Variants in CLASP1 observed in about 807,000 individuals in gnomAD.
CLASP1 encodes cytoplasmic linker associated protein 1.
Under a neutral mutation model 192.3 loss-of-function variants are expected in CLASP1, and 38 were observed. The ratio of observed to expected loss-of-function variants is 0.20; its 90% confidence interval spans 0.15 to 0.26. CLASP1 has a LOEUF of 0.26. Among genes scored for constraint, CLASP1 ranks in the 10% least tolerant of loss-of-function variants. The pLI, the probability that CLASP1 is intolerant of heterozygous loss-of-function variation, is 1.00. For synonymous variants in CLASP1, 691 were observed against 712.8 expected, an observed-to-expected ratio of 0.97 and a Z score of 0.49; for missense variants, 1,433 against 1,932.5, an observed-to-expected ratio of 0.74 and a Z score of 4.85.
At chr2:121,550,729 C>T (rs1035881596) in intron 2 of CLASP1, among the ~76,000 whole-genome samples, 22 of 151,860 alleles carry the variant, frequency 1.4e-4, no homozygotes, top group African/African-American at 5.1e-4. Context: ...TAATGAGCTC[C>T]AAAACTGAAT....
intron 8 of CLASP1, among the ~76,000 whole-genome samples, chr2:121,493,743 T>C (rs1044449409): frequency 1.9e-4 from 26 of 136,534 alleles, no homozygotes; most frequent in African/African-American, 8.5e-4. Flanking sequence ...AACAACTCAA[T>C]AGAAAAAAAA....
intron 8 of CLASP1, among the ~76,000 whole-genome samples, chr2:121,497,846 A>G (rs182038947): frequency 2.3e-4 from 35 of 152,040 alleles, no homozygotes; most frequent in African/African-American, 7.2e-4. Flanking sequence ...CAGCCTCCCG[A>G]ATAGCTAGGA....
At chr2:121,628,360 A>G (rs2068774265) in intron 1 of CLASP1, among the ~76,000 whole-genome samples, 1 of 152,132 alleles carries the variant, frequency 6.6e-6, no homozygotes, top group Non-Finnish European at 1.5e-5. Context: ...CTAGTCCTAC[A>G]TTTTCAAAAA....
intron 26 of CLASP1, among the ~76,000 whole-genome samples, chr2:121,403,069 TG>T (rs1457926791): frequency 1.3e-5 from 2 of 152,170 alleles, no homozygotes; most frequent in Non-Finnish European, 1.5e-5. Flanking sequence ...TGACCTCAGG[TG>T]ATCTGCCCAC....
intron 37 of CLASP1, among the ~76,000 whole-genome samples, chr2:121,357,897 A>G (rs557269753): frequency 2.0e-5 from 3 of 152,058 alleles, no homozygotes; most frequent in South Asian, 2.1e-4. Context: ...TTCTCTCCCT[A>G]TGTGCTCCTT....
chr2:121,615,525 G>C (rs1477188411), intron 1 of CLASP1, among the ~76,000 whole-genome samples: 2 of 151,670 alleles, frequency 1.3e-5, no homozygotes, highest in Admixed American at 6.6e-5. Context: ...GGTCGGGTGC[G>C]GTGGCTCAAA....
At chr2:121,363,602 T>C (rs2066822726) in intron 36 of CLASP1, among the ~76,000 whole-genome samples, 1 of 152,218 alleles carries the variant, frequency 6.6e-6, no homozygotes, top group African/African-American at 2.4e-5. Context: ...GAGGATGATA[T>C]ACCTAAGTTC....
intron 25 of CLASP1, among the ~76,000 whole-genome samples, chr2:121,405,430 T>C (rs12711551): frequency 0.21 from 31,963 of 152,166 alleles, 6,379 homozygotes; most frequent in African/African-American, 0.52. Context: ...GATAAAACAT[T>C]GTACCTTCTA....
At chr2:121,562,754 C>G (rs1023410526) in intron 2 of CLASP1, among the ~76,000 whole-genome samples, 31 of 152,232 alleles carry the variant, frequency 2.0e-4, no homozygotes, top group African/African-American at 7.0e-4. Flanking sequence ...CAGGTTTTGT[C>G]TTTCAATGAT....
At chr2:121,416,652 A>G (rs1343216783) in intron 23 of CLASP1, among the ~76,000 whole-genome samples, 1 of 152,208 alleles carries the variant, frequency 6.6e-6, no homozygotes, top group African/African-American at 2.4e-5. Context: ...AACTTCTTCT[A>G]ACCCCCGACC....
chr2:121,379,069 C>T (rs143669708), intron 33 of CLASP1, among the ~76,000 whole-genome samples: 258 of 151,998 alleles, frequency 1.7e-3, no homozygotes, highest in Middle Eastern at 6.9e-3. Flanking sequence ...TAGCAATGAT[C>T]CAAGTGTTTT....
intron 2 of CLASP1, among the ~76,000 whole-genome samples, chr2:121,551,487 C>A (rs1235781382): frequency 6.6e-6 from 1 of 152,204 alleles, no homozygotes; most frequent in African/African-American, 2.4e-5. Context: ...CAGCGATCAA[C>A]AACTTCAGCA....
rs772331792 is a variant in CLASP1, at chr2:121,457,783, G to A, written c.1315-26C>T. ...CTGTGAAGAACAACAAAAAACAGAG[G>A]TCAACACTTGCAAATACAAAAACAA... On this transcript the variant is annotated intron_variant, in intron 13 of 39. Transcript: ENST00000263710. The A allele has an allele frequency of 1.3e-5, 21 of 1,556,662 alleles. No homozygotes were observed. The South Asian group carries it at 2.2e-4, about 16-fold the overall frequency.
At chr2:121,342,116 A>T (rs567394115) in intron 39 of CLASP1, among the ~76,000 whole-genome samples, 1 of 152,226 alleles carries the variant, frequency 6.6e-6, no homozygotes, top group African/African-American at 2.4e-5. Context: ...AGACATATTT[A>T]AAAAAAGAAT....
intron 2 of CLASP1, among the ~76,000 whole-genome samples, chr2:121,598,119 C>T (rs866079924): frequency 6.6e-6 from 1 of 152,196 alleles, no homozygotes; most frequent in Non-Finnish European, 1.5e-5. Context: ...TGTCTCCTTC[C>T]AGGATTCCCA....
chr2:121,624,980 TTC>T (rs1476284899), intron 1 of CLASP1, among the ~76,000 whole-genome samples: 1 of 152,240 alleles, frequency 6.6e-6, no homozygotes, highest in African/African-American at 2.4e-5. Context: ...CCAAATTTCC[TTC>T]TGTTATTGAT....
intron 2 of CLASP1, among the ~76,000 whole-genome samples, chr2:121,555,988 C>CT (rs34423741): frequency 0.031 from 1,302 of 42,378 alleles, 247 homozygotes; most frequent in African/African-American, 0.045. Context: ...CTACCCACCG[C>CT]TTTTTTTTTT....
chr2:121,347,830 C>A (rs2149120981), intron 38 of CLASP1, among the ~76,000 whole-genome samples: 1 of 152,312 alleles, frequency 6.6e-6, no homozygotes, highest in East Asian at 1.9e-4. Context: ...GCCAAGTGCC[C>A]AGCAAACAGC....
chr2:121,579,685 T>C (rs532692753), intron 2 of CLASP1, among the ~76,000 whole-genome samples: 8 of 152,324 alleles, frequency 5.3e-5, no homozygotes, highest in African/African-American at 1.9e-4. Context: ...ATAAGCATCT[T>C]CCTCTTGAAT....
Sources: allele counts gnomAD v4.1 joint callset (sites outside exome capture counted in the v4.1 genomes callset), GRCh38; gene constraint gnomAD v4.1.1; transcripts MANE v1.5; gene names NCBI Gene and HGNC (gene_info 2026-07-23, HGNC 2026-07-21).